Variants in REG1A observed in about 807,000 individuals in gnomAD.
REG1A encodes lithostathine-1-alpha.
Under a neutral mutation model 20.7 loss-of-function variants are expected in REG1A, and 20 were observed. The observed-to-expected ratio is 0.97, with a 90% CI of 0.68 to 1.41. The LOEUF (loss-of-function observed/expected upper bound fraction) is 1.41. Among genes scored for constraint, REG1A ranks in the 40% most tolerant of loss-of-function variants. REG1A has a pLI of 0.00. For missense variants in REG1A, 193 were observed against 201.8 expected (o/e 0.96, Z 0.26); for synonymous variants, 90 against 71.6 (o/e 1.26, Z -1.30).
Position 79,123,221 on chromosome 2 carries a change from A to G in REG1A, c.*6A>G, listed in dbSNP as rs12228. ...TCTGCAAGTTCAAAAACTAGAGGCA[A>G]CTGGAAAATACATGTCTAGAACTGA... On this transcript the variant is annotated 3_prime_UTR_variant, in exon 6 of 6. Transcript: ENST00000233735. 1,531,986 of 1,595,226 alleles carry G rather than the reference A, an allele frequency of 0.96. 735,886 individuals carry two copies. Among genetic ancestry groups the G allele is most frequent in the East Asian group, 1 (44,754 of 44,762 alleles).
In REG1A at chr2:79,121,649, A is replaced by G. The variant is rs544706237; in HGVS notation, c.152A>G (p.Asn51Ser). 2.5e-6 allele frequency: 4 copies of G among 1,614,082 alleles called. No individual in the cohort carries two copies. Among genetic ancestry groups the G allele is most frequent in the Admixed American group, 3.3e-5 (2 of 60,006 alleles). The change falls in exon 3 of 6, where the codon AAT (asparagine) becomes AGT (serine). Residue 51 changes from asparagine (N) to serine (S), a missense_variant. Transcript: ENST00000233735. ...TATCGCTCCTACTGCTACTACTTTA[A>G]TGAAGACCGTGAGACCTGGGTTGAT... ...NAYRSYCYYF[N>S]EDRETWVDAD...
chr2:79,122,999 A>T (rs1317150942), intron 5 of REG1A, 47 bp downstream of exon 5: 1 of 1,540,640 alleles, frequency 6.5e-7, no homozygotes, highest in Admixed American at 1.7e-5. Flanking sequence ...TCTCCTGCTT[A>T]GCTCCAGGGA....
Position 79,123,140 on chromosome 2 carries a change from A to G in REG1A, c.434-8A>G. The G allele has an allele frequency of 6.2e-7, 1 of 1,607,810 alleles. No individual in the cohort carries two copies. Among genetic ancestry groups the G allele is most frequent in the South Asian group, 1.1e-5 (1 of 90,622 alleles). ...CTCCCAGTTGTAACTCTTCTCATTG[A>G]CTTATAGGATTCCAGAAATGGAAGG... is the stretch of plus-strand genomic sequence containing the variant. On this transcript the variant is annotated splice_region_variant and splice_polypyrimidine_tract_variant and intron_variant, in intron 5 of 5. Transcript: ENST00000233735.
chr2:79,121,939 C>T, intron 3 of REG1A, 49 bp from the exon 4 acceptor site: 1 of 1,605,524 alleles, frequency 6.2e-7, no homozygotes, highest in Non-Finnish European at 8.5e-7. Flanking sequence ...CTCAGTATAT[C>T]CGTCACAACT....
chr2:79,121,903 T>G, intron 3 of REG1A, 85 bp from the exon 4 acceptor site: 1 of 1,564,280 alleles, frequency 6.4e-7, no homozygotes, highest in Non-Finnish European at 8.7e-7. Flanking sequence ...TCTGCTGTCC[T>G]TTTTCTGACC....
intron 2 of REG1A, 67 bp from the exon 3 acceptor site, chr2:79,121,495 C>T: frequency 7.8e-7 from 1 of 1,278,200 alleles, no homozygotes; most frequent in Admixed American, 1.7e-5. Context: ...ACCTCAGAAG[C>T]TCTTACCTCA....
chr2:79,122,056 G>A lies in REG1A; in HGVS notation c.252G>A (p.Val84=), dbSNP rs144577936. The change falls in exon 4 of 6, where the codon GTG becomes GTA. Residue 84 remains valine, a synonymous_variant. Coordinates refer to ENST00000233735, the MANE Select transcript of REG1A (RefSeq NM_002909.5). The stretch of plus-strand genomic sequence containing the variant: ...TCACCCAGGCCGAGGGTGCCTTTGT[G>A]GCCTCACTGATTAAGGAGAGTGGCA... ...SVLTQAEGAF[V]ASLIKESGTD... is the part of the protein sequence containing the mutation. 9.8e-5 allele frequency: 158 copies of A among 1,614,084 alleles called. No individual in the cohort carries two copies. The African/African-American group carries it at 2.0e-3, about 20-fold the overall frequency.
chr2:79,121,252 C>A (rs1360728629), intron 2 of REG1A, among the ~76,000 whole-genome samples: 1 of 152,128 alleles, frequency 6.6e-6, no homozygotes, highest in African/African-American at 2.4e-5. Context: ...CTGAAGAGAG[C>A]CTTGTGTTCA....
At chr2:79,123,059 G>T (rs902312694) in intron 5 of REG1A, 89 bp from the exon 6 acceptor site, 2 of 1,443,832 alleles carry the variant, frequency 1.4e-6, no homozygotes, top group Non-Finnish European at 1.9e-6. Flanking sequence ...TTAAGGAAAT[G>T]GATGTTTGGT....
intron 4 of REG1A, 194 bp downstream of exon 4, chr2:79,122,319 G>A (rs768005985): frequency 5.3e-6 from 3 of 565,350 alleles, no homozygotes; most frequent in Non-Finnish European, 9.1e-6. Flanking sequence ...TTTCCTAGGT[G>A]TTCTTGTCAT....
chr2:79,121,952 C>A, intron 3 of REG1A, 36 bp from the exon 4 acceptor site: 2 of 1,610,058 alleles, frequency 1.2e-6, no homozygotes, highest in Non-Finnish European at 1.7e-6. Context: ...TCACAACTTC[C>A]TCCTCCACTG....
At chr2:79,121,878 C>G (rs1672891233) in intron 3 of REG1A, 110 bp from the exon 4 acceptor site, 8 of 1,449,250 alleles carry the variant, frequency 5.5e-6, no homozygotes, top group Admixed American at 5.1e-5. Context: ...GTGACAGCAT[C>G]ATCACGGACA....
chr2:79,122,282 G>C, intron 4 of REG1A, 157 bp downstream of exon 4: 1 of 694,712 alleles, frequency 1.4e-6, no homozygotes, highest in Non-Finnish European at 2.3e-6. Flanking sequence ...CACTGTAGAT[G>C]ATTGGAGATA....
At position 79,122,027 on chromosome 2, in the gene REG1A, G is replaced by T; in HGVS notation, c.223G>T (p.Val75Leu). 5 of 1,614,072 alleles carry T rather than the reference G, an allele frequency of 3.1e-6. No individual in the cohort carries two copies. The highest frequency in any genetic ancestry group is 4.2e-6 in the Non-Finnish European group (5 of 1,180,024). ...CATGAATTCGGGCAACCTGGTGTCT[G>T]TGCTCACCCAGGCCGAGGGTGCCTT... The part of the protein sequence containing the change: ...QNMNSGNLVS[V>L]LTQAEGAFVA... Residue 75 changes from valine to leucine, a missense_variant, in exon 4 of 6, where the codon GTG becomes TTG. Physicochemically the swap from Val to Leu is conservative, Grantham distance 32. Transcript: ENST00000233735.
chr2:79,120,701 T>G, intron 1 of REG1A, 115 bp from the exon 2 acceptor site: 1 of 471,494 alleles, frequency 2.1e-6, no homozygotes, highest in Non-Finnish European at 3.8e-6. Context: ...TTTGAAGGTG[T>G]GGGTGTCTCA....
At chr2:79,123,105 T>C in intron 5 of REG1A, 43 bp from the exon 6 acceptor site, 2 of 1,541,182 alleles carry the variant, frequency 1.3e-6, no homozygotes, top group Middle Eastern at 1.7e-4. Flanking sequence ...AGGGTCATAC[T>C]CTTTCGGGTC....
chr2:79,122,691 T>A (rs534313856), intron 4 of REG1A, 150 bp from the exon 5 acceptor site: 2 of 645,702 alleles, frequency 3.1e-6, no homozygotes, highest in Admixed American at 2.6e-5. Context: ...AGGAAAGAAG[T>A]TTAGAGCAAT....
chr2:79,123,152 C>T lies in REG1A; in HGVS notation c.438C>T (p.Phe146=). Residue 146 remains phenylalanine (F), a synonymous_variant, in exon 6 of 6, where the codon TTC becomes TTT. Coordinates refer to ENST00000233735, the MANE Select transcript of REG1A (RefSeq NM_002909.5). The part of the protein sequence containing the change: ...YCVSLTSSTG[F]QKWKDVPCED... ...ACTCTTCTCATTGACTTATAGGATT[C>T]CAGAAATGGAAGGATGTGCCTTGTG... 6.2e-7 allele frequency: 1 copy of T among 1,611,628 alleles called. No individual in the cohort carries two copies. Among genetic ancestry groups the T allele is most frequent in the South Asian group, 1.1e-5 (1 of 90,824 alleles).
intron 3 of REG1A, 114 bp from the exon 4 acceptor site, chr2:79,121,874 G>A: frequency 6.9e-7 from 1 of 1,445,450 alleles, no homozygotes. Flanking sequence ...GTCAGTGACA[G>A]CATCATCACG....
Sources: gnomAD v4.1 joint callset for allele counts (sites outside exome capture counted in the v4.1 genomes callset) on GRCh38, gnomAD v4.1.1 for gene constraint, MANE v1.5 for transcripts, NCBI Gene and HGNC (gene_info 2026-07-23, HGNC 2026-07-21) for gene names.